Variants in NSUN4 observed in about 807,000 individuals in gnomAD.
NSUN4 encodes NOP2/Sun RNA methyltransferase 4, also known as 5-cytosine rRNA methyltransferase NSUN4.
NSUN4 carries 31 observed loss-of-function variants against 43.8 expected under a neutral mutation model. The ratio of observed to expected loss-of-function variants is 0.71; its 90% CI spans 0.53 to 0.96. NSUN4 has a LOEUF of 0.96. Among genes scored for constraint, NSUN4 ranks in the 40% least tolerant of loss-of-function variants. NSUN4 has a pLI of 0.00. For missense variants in NSUN4, 439 were observed against 475.6 expected (o/e 0.92, Z 0.72); for synonymous variants, 167 against 184.1 (o/e 0.91, Z 0.75).
At chr1:46,374,266 A>T in the NSUN4 span, among the ~76,000 whole-genome samples, 1 of 145,586 alleles carries the variant, frequency 6.9e-6, no homozygotes, top group South Asian at 2.2e-4. Context: ...AACCTGGGCA[A>T]CAAGAGTAAA....
rs1022883893 is a variant in NSUN4, at chr1:46,362,554, T to C, written c.*708T>C. 2.0e-5 allele frequency: 3 copies of C among 152,260 alleles called. No homozygotes were observed. The highest frequency in any genetic ancestry group is 7.2e-5 in the African/African-American group (3 of 41,436). 9.4% of individuals were successfully genotyped at this position (152,260 alleles called of 1,614,324 possible). Reference sequence around the variant, plus strand: ...CATACTCTTGTGCGTGCCTTGTTCTTTGTTCATTCATCTAGCAGGTATTCC... The same window carrying C: ...CATACTCTTGTGCGTGCCTTGTTCTCTGTTCATTCATCTAGCAGGTATTCC... On this transcript the variant is annotated 3_prime_UTR_variant, in exon 6 of 6. Transcript: ENST00000474844.
chr1:46,341,586 A>G, intron 1 of NSUN4: 1 of 1,192,442 alleles, frequency 8.4e-7, no homozygotes, highest in Non-Finnish European at 1.0e-6. Context: ...AATTTCTTCT[A>G]TGACCGGCAC....
At chr1:46,350,833 A>T (rs372670176) in intron 3 of NSUN4, among the ~76,000 whole-genome samples, 1 of 152,158 alleles carries the variant, frequency 6.6e-6, no homozygotes, top group South Asian at 2.1e-4. Flanking sequence ...CCCTCCCTTT[A>T]AGAGGGAGAA....
At chr1:46,348,673 C>T (rs1288497658) in intron 3 of NSUN4, among the ~76,000 whole-genome samples, 1 of 133,734 alleles carries the variant, frequency 7.5e-6, no homozygotes, top group Non-Finnish European at 1.5e-5. Context: ...CACGCCATTG[C>T]ACTTCCGCTT....
chr1:46,369,382 A>G (rs1206847296), downstream of NSUN4, among the ~76,000 whole-genome samples: 1 of 152,232 alleles, frequency 6.6e-6, no homozygotes, highest in Non-Finnish European at 1.5e-5. Flanking sequence ...GCTTAACTGT[A>G]GACGCTAGAG....
chr1:46,340,943 G>A (rs1662050509), intron 1 of NSUN4, 24 bp downstream of exon 1: 3 of 1,591,968 alleles, frequency 1.9e-6, no homozygotes, highest in Non-Finnish European at 2.6e-6. Context: ...GGGGGCGCAG[G>A]AGGGAAAAGT....
chr1:46,383,473 C>T, the NSUN4 span, among the ~76,000 whole-genome samples: 9 of 116,738 alleles, frequency 7.7e-5, no homozygotes, highest in South Asian at 5.2e-4. Context: ...TTTTTTTTTC[C>T]GAGATGGAGT....
At chr1:46,342,606 T>A (rs556429600) in intron 1 of NSUN4, 2 of 399,594 alleles carry the variant, frequency 5.0e-6, no homozygotes, top group East Asian at 3.6e-5. Context: ...TGGTCCCCCC[T>A]GTTCCCAGGA....
intron 3 of NSUN4, among the ~76,000 whole-genome samples, chr1:46,352,526 A>G (rs1663074870): frequency 1.3e-5 from 2 of 151,016 alleles, no homozygotes. Flanking sequence ...GGAGAGGGAA[A>G]GGAGAGAAGA....
intron 1 of NSUN4, 56 bp from the exon 2 acceptor site, chr1:46,344,742 GGTA>G: frequency 2.7e-6 from 4 of 1,472,178 alleles, no homozygotes; most frequent in Non-Finnish European, 3.7e-6. Context: ...GTGGGGGTCA[GGTA>G]GTAGGGGGTA....
the NSUN4 span, among the ~76,000 whole-genome samples, chr1:46,379,489 C>A: frequency 6.6e-6 from 1 of 152,072 alleles, no homozygotes; most frequent in Non-Finnish European, 1.5e-5. Context: ...GTGGTGCGTG[C>A]CCATAGTCCC....
chr1:46,358,348 G>A (rs1430861437), intron 4 of NSUN4, among the ~76,000 whole-genome samples: 3 of 150,606 alleles, frequency 2.0e-5, no homozygotes, highest in Admixed American at 6.6e-5. Flanking sequence ...TGCCCGCCTC[G>A]GCCTCCCAAA....
chr1:46,352,756 C>A, intron 3 of NSUN4, 112 bp from the exon 4 acceptor site: 1 of 979,322 alleles, frequency 1.0e-6, no homozygotes, highest in Admixed American at 1.9e-5. Context: ...GTTCCTGATG[C>A]TGGGGTTTGC....
At position 46,363,707 on chromosome 1, in the gene NSUN4, G is replaced by A. The variant is rs1210418006; in HGVS notation, c.*1861G>A. Reference sequence around the variant, plus strand: ...AAAGCAAAAGCCTAGAAATAACCCAGATGCCCATGAGCAAGAGAGTGGACA... The same window carrying A: ...AAAGCAAAAGCCTAGAAATAACCCAAATGCCCATGAGCAAGAGAGTGGACA... On this transcript the variant is annotated 3_prime_UTR_variant, in exon 6 of 6. Coordinates refer to ENST00000474844, the MANE Select transcript of NSUN4 (RefSeq NM_199044.4). The A allele has an allele frequency of 2.6e-5, 4 of 152,672 alleles. No homozygotes were observed. Among genetic ancestry groups the A allele is most frequent in the Admixed American group, 2.0e-4 (3 of 15,290 alleles). 9.5% of individuals were successfully genotyped at this position (152,672 alleles called of 1,614,324 possible).
chr1:46,361,478 G>A, intron 5 of NSUN4, 92 bp from the exon 6 acceptor site: 1 of 1,179,914 alleles, frequency 8.5e-7, no homozygotes, highest in Non-Finnish European at 1.2e-6. Flanking sequence ...TCCTGTAGTA[G>A]CCTTCCCTTA....
At chr1:46,361,033 G>A (rs986899908) in intron 5 of NSUN4, among the ~76,000 whole-genome samples, 2 of 152,190 alleles carry the variant, frequency 1.3e-5, no homozygotes, top group Non-Finnish European at 2.9e-5. Flanking sequence ...TGTAGTCCCA[G>A]CTACTCAGGG....
intron 3 of NSUN4, among the ~76,000 whole-genome samples, chr1:46,349,725 G>T (rs1662842342): frequency 6.6e-6 from 1 of 152,220 alleles, no homozygotes; most frequent in African/African-American, 2.4e-5. Context: ...CCTTCTGGAA[G>T]TCCAGAGGGA....
At chr1:46,375,877 C>T in the NSUN4 span, among the ~76,000 whole-genome samples, 5 of 151,242 alleles carry the variant, frequency 3.3e-5, no homozygotes, top group African/African-American at 9.7e-5. Context: ...GAGGCCAAAG[C>T]GGGTGGATCA....
chr1:46,348,808 GTTTTTTTTTTTTT>G (rs869234807), intron 3 of NSUN4, among the ~76,000 whole-genome samples: 1 of 77,842 alleles, frequency 1.3e-5, no homozygotes, highest in African/African-American at 5.2e-5. Context: ...CTTGTGCACT[GTTTTTTTTTTTTT>G]TTTTTTTTTT....
Sources: allele counts gnomAD v4.1 joint callset (sites outside exome capture counted in the v4.1 genomes callset), GRCh38; gene constraint gnomAD v4.1.1; transcripts MANE v1.5; gene names NCBI Gene and HGNC (gene_info 2026-07-23, HGNC 2026-07-21).